The following NUP155 variants were observed in gnomAD, a reference collection of about 807,000 sequenced individuals.
NUP155 encodes the protein nuclear pore complex protein Nup155.
In NUP155, 71 loss-of-function variants were observed where a neutral mutation model predicts 180.4. The observed-to-expected ratio is 0.39, with a 90% CI of 0.33 to 0.48. The LOEUF (loss-of-function observed/expected upper bound fraction) is 0.48, where lower values mean the gene tolerates loss of function less well. Ranked by LOEUF, NUP155 falls within the 20% of genes least tolerant of loss-of-function variation. The pLI is 0.91. For synonymous variants in NUP155, 582 were observed against 559.5 expected (o/e 1.04, Z -0.57); for missense variants, 1,553 against 1,648.9 (o/e 0.94, Z 1.01).
At chr5:37,354,625 A>C (rs2111628586) in intron 4 of NUP155, among the ~76,000 whole-genome samples, 1 of 150,056 alleles carries the variant, frequency 6.7e-6, no homozygotes, top group Middle Eastern at 3.4e-3. Flanking sequence ...TGCCTGGCTT[A>C]TGTTTCTGTT....
At chr5:37,343,735 A>T (rs1007283510) in intron 9 of NUP155, among the ~76,000 whole-genome samples, 1 of 151,766 alleles carries the variant, frequency 6.6e-6, no homozygotes, top group Non-Finnish European at 1.5e-5. Context: ...TACTAAAAAT[A>T]CAAAAAAATT....
In NUP155 at chr5:37,304,856, A is replaced by C. The variant is rs1561770391; in HGVS notation, c.3058-13T>G. ...GCATTTGTTCAAACTAAAATAAAGAAAATAGTAAAAATTAGCAGTTAAAGG... is the reference window on the plus strand; with the variant it reads ...GCATTTGTTCAAACTAAAATAAAGACAATAGTAAAAATTAGCAGTTAAAGG... On this transcript the variant is annotated splice_polypyrimidine_tract_variant and intron_variant, in intron 26 of 34. Transcript: ENST00000231498. 1 of 1,606,690 alleles carries C rather than the reference A, an allele frequency of 6.2e-7. No individual in the cohort carries two copies. Among genetic ancestry groups the C allele is most frequent in the African/African-American group, 1.3e-5 (1 of 74,802 alleles).
At chr5:37,307,955 AT>A (rs1324792049) in intron 24 of NUP155, among the ~76,000 whole-genome samples, 1,400 of 24,720 alleles carry the variant, frequency 0.057, 32 homozygotes, top group African/African-American at 0.068. Context: ...AAAAAAAAAT[AT>A]ATATATATAT....
At chr5:37,335,706 T>C (rs1399684377) in intron 12 of NUP155, among the ~76,000 whole-genome samples, 2 of 152,082 alleles carry the variant, frequency 1.3e-5, no homozygotes, top group African/African-American at 4.8e-5. Context: ...TCCCAACACA[T>C]TGGGAGACCA....
chr5:37,299,321 T>A, intron 31 of NUP155, 127 bp downstream of exon 31: 1 of 1,127,072 alleles, frequency 8.9e-7, no homozygotes, highest in South Asian at 1.3e-5. Context: ...CCACTTACTC[T>A]CTTCTTAGGT....
At chr5:37,311,665 T>A (rs965422684) in intron 22 of NUP155, among the ~76,000 whole-genome samples, 2 of 144,904 alleles carry the variant, frequency 1.4e-5, no homozygotes, top group Admixed American at 6.9e-5. Flanking sequence ...GAAAAAGAAT[T>A]TTTTTTTTTT....
chr5:37,302,050 A>C (rs1399717096), intron 29 of NUP155, among the ~76,000 whole-genome samples: 2 of 152,000 alleles, frequency 1.3e-5, no homozygotes, highest in East Asian at 1.9e-4. Flanking sequence ...AGGAAGACTC[A>C]CCTTGGATTT....
intron 1 of NUP155, among the ~76,000 whole-genome samples, chr5:37,367,305 C>A (rs1018927774): frequency 6.6e-6 from 1 of 151,778 alleles, no homozygotes; most frequent in Non-Finnish European, 1.5e-5. Flanking sequence ...ACCTCTGCCT[C>A]CCAGGTTCAA....
chr5:37,367,115 A>G (rs1747642044), intron 1 of NUP155, among the ~76,000 whole-genome samples: 1 of 150,978 alleles, frequency 6.6e-6, no homozygotes. Flanking sequence ...GTGCAATCAC[A>G]GCTCAGGGCA....
At chr5:37,322,845 C>T (rs1398577601) in intron 20 of NUP155, among the ~76,000 whole-genome samples, 4 of 151,642 alleles carry the variant, frequency 2.6e-5, no homozygotes, top group South Asian at 2.1e-4. Context: ...TGGTGGCAGG[C>T]GCCTGTAACC....
intron 9 of NUP155, among the ~76,000 whole-genome samples, chr5:37,342,862 G>C (rs910579594): frequency 1.3e-5 from 2 of 150,622 alleles, no homozygotes; most frequent in African/African-American, 4.9e-5. Flanking sequence ...TCAGCCTCCT[G>C]AGTAGCTGGG....
chr5:37,338,211 A>T (rs890041317), intron 11 of NUP155, among the ~76,000 whole-genome samples: 11 of 150,130 alleles, frequency 7.3e-5, no homozygotes, highest in African/African-American at 1.7e-4. Flanking sequence ...CCAGCTACTC[A>T]GGAGGCTGAG....
At chr5:37,340,482 T>C (rs1471504720) in intron 11 of NUP155, among the ~76,000 whole-genome samples, 2 of 151,798 alleles carry the variant, frequency 1.3e-5, no homozygotes, top group East Asian at 1.9e-4. Flanking sequence ...GTCACACTTA[T>C]CAATTTCAAA....
rs555321433 is a variant in NUP155 at position 37,359,546 on chromosome 5, A to T, written c.393-1395T>A. Among the ~76,000 whole-genome samples, 4 of 152,290 alleles carry T rather than the reference A, an allele frequency of 2.6e-5. No homozygotes were observed. In the Middle Eastern group the frequency reaches 0.01, roughly 388 times the overall value. On this transcript the variant is annotated intron_variant, in intron 3 of 34. Transcript: ENST00000231498. ...GAACCCAAATCCAGCTCAAGTCCTG[A>T]CCTGGAAAAAGGCAATTCCCCATAT...
At chr5:37,308,772 C>A (rs556616484) in intron 24 of NUP155, among the ~76,000 whole-genome samples, 3 of 147,204 alleles carry the variant, frequency 2.0e-5, no homozygotes, top group East Asian at 4.0e-4. Context: ...ACCAGCTACC[C>A]GGGAGGCTGA....
At chr5:37,347,911 C>T (rs1272184642) in intron 9 of NUP155, among the ~76,000 whole-genome samples, 11 of 151,378 alleles carry the variant, frequency 7.3e-5, no homozygotes, top group Admixed American at 4.0e-4. Flanking sequence ...TTGAGGCGGG[C>T]GGATCACGAG....
At chr5:37,306,035 A>G (rs1161927074) in intron 25 of NUP155, among the ~76,000 whole-genome samples, 2 of 152,212 alleles carry the variant, frequency 1.3e-5, no homozygotes, top group East Asian at 1.9e-4. Flanking sequence ...TACTTTTTCA[A>G]TAAGTTTGAG....
intron 4 of NUP155, among the ~76,000 whole-genome samples, chr5:37,353,945 T>A (rs1746637713): frequency 1.3e-5 from 2 of 152,214 alleles, no homozygotes; most frequent in South Asian, 4.1e-4. Flanking sequence ...GCAAAGTTTG[T>A]ATTATGTGTA....
intron 32 of NUP155, among the ~76,000 whole-genome samples, chr5:37,298,666 A>G (rs542991876): frequency 1.3e-5 from 2 of 152,356 alleles, no homozygotes; most frequent in South Asian, 4.1e-4. Flanking sequence ...TTGGAAAGTT[A>G]GTCACAGAAA....
Sources: gnomAD v4.1 joint callset for allele counts (sites outside exome capture counted in the v4.1 genomes callset) on GRCh38, gnomAD v4.1.1 for gene constraint, MANE v1.5 for transcripts, NCBI Gene and HGNC (gene_info 2026-07-23, HGNC 2026-07-21) for gene names.